Variants in ZFPM2 observed in about 807,000 individuals in gnomAD.
ZFPM2 encodes the protein zinc finger protein, FOG family member 2.
ZFPM2 carries 20 observed loss-of-function variants against 98.6 expected under a neutral mutation model. That is an observed-to-expected ratio of 0.20 (90% CI 0.14 to 0.29). ZFPM2 has a LOEUF of 0.29. Among genes scored for constraint, ZFPM2 ranks in the 10% least tolerant of loss-of-function variants. The pLI, the probability that ZFPM2 is intolerant of heterozygous loss-of-function variation, is 1.00. For synonymous variants in ZFPM2, 518 were observed against 502.7 expected, an observed-to-expected ratio of 1.03 and a Z score of -0.41; for missense variants, 1,310 against 1,388.6, an observed-to-expected ratio of 0.94 and a Z score of 0.90.
chr8:105,716,411 C>A (rs1334338601), intron 5 of ZFPM2, among the ~76,000 whole-genome samples: 1 of 151,758 alleles, frequency 6.6e-6, no homozygotes, highest in Non-Finnish European at 1.5e-5. Flanking sequence ...TACATACACA[C>A]ATAAATATAT....
At chr8:105,515,609 A>G (rs1222408586) in intron 3 of ZFPM2, among the ~76,000 whole-genome samples, 3 of 152,200 alleles carry the variant, frequency 2.0e-5, no homozygotes, top group Non-Finnish European at 4.4e-5. Flanking sequence ...AAATCCTAGT[A>G]TGAATAAAAT....
chr8:105,481,346 C>A (rs2130385843), intron 3 of ZFPM2, among the ~76,000 whole-genome samples: 1 of 152,192 alleles, frequency 6.6e-6, no homozygotes, highest in South Asian at 2.1e-4. Context: ...GCTGGATGCC[C>A]AAGATCAGGT....
At chr8:105,618,193 A>T (rs1336893106) in intron 4 of ZFPM2, among the ~76,000 whole-genome samples, 1 of 152,226 alleles carries the variant, frequency 6.6e-6, no homozygotes, top group African/African-American at 2.4e-5. Flanking sequence ...GCTAGTTTTC[A>T]TGGACATGAA....
At chr8:105,779,428 G>T (rs1306689946) in intron 5 of ZFPM2, among the ~76,000 whole-genome samples, 1 of 152,166 alleles carries the variant, frequency 6.6e-6, no homozygotes, top group Non-Finnish European at 1.5e-5. Context: ...AAAGAAACAT[G>T]TATAGACATA....
At chr8:105,598,304 G>A (rs1462399043) in intron 4 of ZFPM2, among the ~76,000 whole-genome samples, 1 of 152,060 alleles carries the variant, frequency 6.6e-6, no homozygotes, top group Non-Finnish European at 1.5e-5. Context: ...TAAAGAAGAA[G>A]GTGAAGGATA....
chr8:105,669,718 C>G (rs571026043), intron 5 of ZFPM2, among the ~76,000 whole-genome samples: 1 of 151,978 alleles, frequency 6.6e-6, no homozygotes. Flanking sequence ...AAATATTATT[C>G]TTCTCTCTAT....
chr8:105,640,460 G>T (rs1458887521), intron 5 of ZFPM2, among the ~76,000 whole-genome samples: 1 of 151,946 alleles, frequency 6.6e-6, no homozygotes, highest in Non-Finnish European at 1.5e-5. Context: ...ATCATACTAT[G>T]ACAGCCTTCA....
intron 5 of ZFPM2, among the ~76,000 whole-genome samples, chr8:105,742,621 G>A (rs1812245883): frequency 6.6e-6 from 1 of 152,014 alleles, no homozygotes; most frequent in South Asian, 2.1e-4. Context: ...GCTGGGTGTG[G>A]TGGCTCACAC....
In ZFPM2 at chr8:105,561,345, C is replaced by T; in HGVS notation, c.302-18C>T. On this transcript the variant is annotated intron_variant, in intron 3 of 7. Transcript: ENST00000407775. ...GTACAAGTAAGTATTCTAAACACTT[C>T]TGTTCCTTTGTCTGCAGGAGAGCTG... The T allele has an allele frequency of 6.2e-7, 1 of 1,601,388 alleles. No individual in the cohort carries two copies. Among genetic ancestry groups the T allele is most frequent in the African/African-American group, 1.3e-5 (1 of 74,746 alleles).
At chr8:105,516,707 G>A (rs1221056358) in intron 3 of ZFPM2, among the ~76,000 whole-genome samples, 2 of 151,832 alleles carry the variant, frequency 1.3e-5, no homozygotes, top group East Asian at 3.9e-4. Context: ...TTCTTTTTTT[G>A]GCGAGGGTTG....
At chr8:105,682,937 G>A (rs1810642600) in intron 5 of ZFPM2, among the ~76,000 whole-genome samples, 1 of 152,068 alleles carries the variant, frequency 6.6e-6, no homozygotes, top group Non-Finnish European at 1.5e-5. Context: ...CAGACTGTTG[G>A]TTATAAACAA....
At chr8:105,554,300 G>A (rs982232730) in intron 3 of ZFPM2, among the ~76,000 whole-genome samples, 1 of 152,142 alleles carries the variant, frequency 6.6e-6, no homozygotes, top group Non-Finnish European at 1.5e-5. Flanking sequence ...CAGTTTGGCT[G>A]TGAAGATAAT....
chr8:105,591,563 CATT>C (rs1815844029), intron 4 of ZFPM2, among the ~76,000 whole-genome samples: 2 of 152,032 alleles, frequency 1.3e-5, no homozygotes, highest in South Asian at 4.1e-4. Flanking sequence ...TAAAATATCA[CATT>C]AGAAAAATTT....
intron 5 of ZFPM2, among the ~76,000 whole-genome samples, chr8:105,687,241 A>G (rs1319268864): frequency 1.3e-5 from 2 of 152,120 alleles, no homozygotes; most frequent in Non-Finnish European, 1.5e-5. Flanking sequence ...CCCCTCCCCA[A>G]TGCATAAGAA....
In ZFPM2 at chr8:105,452,783, GACAA is replaced by G. The variant is rs879738943; in HGVS notation, c.301+8412_301+8415del. Among the ~76,000 whole-genome samples the G allele has an allele frequency of 1.7e-3, 251 of 151,730 alleles. 2 individuals are homozygous for G. Among genetic ancestry groups the G allele is most frequent in the African/African-American group, 4.4e-3 (181 of 41,384 alleles). Reference sequence around the variant, plus strand: ...CAACAACAACAAAACAAAACAAAACGACAAACAAACAAAATCCAAAATTATGCAT... The same window carrying G: ...CAACAACAACAAAACAAAACAAAACGACAAACAAAATCCAAAATTATGCAT... On this transcript the variant is annotated intron_variant, in intron 3 of 7. Transcript: ENST00000407775.
At chr8:105,622,533 C>T (rs1297228631) in intron 4 of ZFPM2, among the ~76,000 whole-genome samples, 1 of 152,148 alleles carries the variant, frequency 6.6e-6, no homozygotes, top group Admixed American at 6.6e-5. Flanking sequence ...AAGACATTTT[C>T]CAGGGGCACT....
intron 3 of ZFPM2, among the ~76,000 whole-genome samples, chr8:105,453,905 A>G (rs2130265050): frequency 6.6e-6 from 1 of 152,244 alleles, no homozygotes; most frequent in Non-Finnish European, 1.5e-5. Context: ...GAGTATTTTA[A>G]AGCGAGTTTC....
At chr8:105,579,621 AAG>A (rs1325214279) in intron 4 of ZFPM2, among the ~76,000 whole-genome samples, 2 of 152,300 alleles carry the variant, frequency 1.3e-5, no homozygotes, top group East Asian at 1.9e-4. Context: ...GCTGAAGAAA[AAG>A]AGCATATCGT....
rs78979388 is a variant in ZFPM2 at position 105,424,509 on chromosome 8, A to T, written c.199+5207A>T. ...AAAGATATATGGTGTAACAATGGAA[A>T]TTCTCACTACATTCAAAAAGAGTCC... On this transcript the variant is annotated intron_variant, in intron 2 of 7. Transcript: ENST00000407775. Among the ~76,000 whole-genome samples the T allele has an allele frequency of 3.7e-3, 566 of 152,332 alleles. 8 individuals are homozygous for T. Among genetic ancestry groups the T allele is most frequent in the African/African-American group, 0.013 (524 of 41,592 alleles).
Sources: allele counts gnomAD v4.1 joint callset (sites outside exome capture counted in the v4.1 genomes callset), GRCh38; gene constraint gnomAD v4.1.1; transcripts MANE v1.5; gene names NCBI Gene and HGNC (gene_info 2026-07-23, HGNC 2026-07-21).